The following NMNAT1 variants were observed in gnomAD, a reference collection of about 807,000 sequenced individuals.
NMNAT1 encodes the protein nicotinamide/nicotinic acid mononucleotide adenylyltransferase 1.
Under a neutral mutation model 16.7 loss-of-function variants are expected in NMNAT1, and 11 were observed. The ratio of observed to expected loss-of-function variants is 0.66; its 90% CI spans 0.41 to 1.09. NMNAT1 has a LOEUF of 1.09. NMNAT1 is among the 50% of genes least tolerant of loss of function. NMNAT1 has a pLI of 0.00. For missense variants in NMNAT1, 280 were observed against 332.3 expected, an observed-to-expected ratio of 0.84 and a Z score of 1.22; for synonymous variants, 110 against 119.8, an observed-to-expected ratio of 0.92 and a Z score of 0.53.
chr1:9,949,068 A>G (rs1641045299), intron 1 of NMNAT1, among the ~76,000 whole-genome samples: 1 of 151,452 alleles, frequency 6.6e-6, no homozygotes, highest in Non-Finnish European at 1.5e-5. Flanking sequence ...TCAGGTGTTC[A>G]AGAGCAGCCT....
chr1:9,948,097 A>G (rs1291460057), intron 1 of NMNAT1, among the ~76,000 whole-genome samples: 1 of 152,124 alleles, frequency 6.6e-6, no homozygotes, highest in Non-Finnish European at 1.5e-5. Context: ...TGGGATGTGG[A>G]AGGTGGTCCG....
intron 1 of NMNAT1, chr1:9,951,300 A>G (rs931274892): frequency 1.3e-5 from 2 of 152,164 alleles, no homozygotes; most frequent in African/African-American, 4.8e-5. Flanking sequence ...GTTGTTTCCT[A>G]CATTTGAGAG....
chr1:9,963,696 C>G (rs144113437), intron 1 of NMNAT1, among the ~76,000 whole-genome samples: 1 of 151,960 alleles, frequency 6.6e-6, no homozygotes. Flanking sequence ...CGTGAGCCAC[C>G]GCATCTGGCC....
intron 1 of NMNAT1, among the ~76,000 whole-genome samples, chr1:9,956,223 G>A (rs886165379): frequency 7.1e-6 from 1 of 141,474 alleles, no homozygotes; most frequent in Non-Finnish European, 1.5e-5. Context: ...AGGCTGGACT[G>A]CAGTGGTGCG....
the NMNAT1 span, among the ~76,000 whole-genome samples, chr1:9,993,928 G>A: frequency 6.6e-6 from 1 of 152,070 alleles, no homozygotes; most frequent in Admixed American, 6.6e-5. Flanking sequence ...GAACGTGCAG[G>A]CAGGTTACCT....
intron 1 of NMNAT1, among the ~76,000 whole-genome samples, chr1:9,966,920 G>T (rs1641558374): frequency 6.6e-6 from 1 of 152,002 alleles, no homozygotes; most frequent in South Asian, 2.1e-4. Context: ...AATCTTAAAA[G>T]AATAATTTCA....
intron 1 of NMNAT1, among the ~76,000 whole-genome samples, chr1:9,950,826 C>T (rs1472493901): frequency 1.3e-5 from 2 of 151,992 alleles, no homozygotes; most frequent in Non-Finnish European, 2.9e-5. Flanking sequence ...CAGTGGTTCA[C>T]AGCTATAATC....
At chr1:9,979,511 G>A (rs1013011431) in intron 3 of NMNAT1, among the ~76,000 whole-genome samples, 1 of 151,862 alleles carries the variant, frequency 6.6e-6, no homozygotes, top group African/African-American at 2.4e-5. Context: ...CAATCAAATT[G>A]TTATTGAGGC....
intron 1 of NMNAT1, among the ~76,000 whole-genome samples, chr1:9,964,674 C>T (rs1641500062): frequency 6.6e-6 from 1 of 151,984 alleles, no homozygotes; most frequent in Admixed American, 6.6e-5. Flanking sequence ...AGCGGCCAGG[C>T]ACGGTGGCTC....
Position 9,975,733 on chromosome 1 carries a change from A to C in NMNAT1, c.257A>C (p.Glu86Ala). Residue 86 changes from glutamate to alanine, a missense_variant, in exon 3 of 5, where the codon GAA becomes GCA. Physicochemically the swap from Glu to Ala is moderately radical, Grantham distance 107. Transcript: ENST00000377205. ...NSKWVEVDTW[E>A]SLQKEWKETL... ...AAATGGGTGGAAGTTGATACATGGG[A>C]AAGTCTTCAGAAGGAGTGGAAAGAG... is the stretch of plus-strand genomic sequence containing the variant. 6.2e-7 allele frequency: 1 copy of C among 1,614,092 alleles called. No individual in the cohort carries two copies. The highest frequency in any genetic ancestry group is 8.5e-7 in the Non-Finnish European group (1 of 1,179,994).
At chr1:9,988,624 AC>A (rs1264860325), downstream of NMNAT1, among the ~76,000 whole-genome samples, 3 of 146,998 alleles carry the variant, frequency 2.0e-5, no homozygotes, top group Non-Finnish European at 4.4e-5. Flanking sequence ...AATTGCTTGA[AC>A]CTGGGGAGGC....
chr1:9,996,309 C>CAAAAAA, the NMNAT1 span, among the ~76,000 whole-genome samples: 4 of 101,910 alleles, frequency 3.9e-5, no homozygotes, highest in Non-Finnish European at 6.1e-5. Flanking sequence ...GACTCCGTCT[C>CAAAAAA]AAAAAAAAAA....
rs370506027 is a variant in NMNAT1, at chr1:9,945,592, C to T, written c.-57+2077C>T. 3.5e-4 allele frequency among the ~76,000 whole-genome samples: 54 copies of T among 152,126 alleles called. 1 individual carries two copies. The highest frequency in any genetic ancestry group is 1.2e-3 in the African/African-American group (51 of 41,510). ...GCGTATGCCTGTAGTTCCAGCTACT[C>T]GGGAGGCTGAGGCAGGAGAATTGCT... On this transcript the variant is annotated intron_variant, in intron 1 of 4. Transcript: ENST00000377205.
chr1:9,982,233 C>G (rs1168396476), intron 4 of NMNAT1, 68 bp from the exon 5 acceptor site: 11 of 1,515,934 alleles, frequency 7.3e-6, no homozygotes, highest in African/African-American at 1.4e-5. Context: ...AAAGTAAACC[C>G]CTTTCCACTT....
At chr1:9,978,079 G>A (rs753427919) in intron 3 of NMNAT1, among the ~76,000 whole-genome samples, 6 of 151,950 alleles carry the variant, frequency 3.9e-5, no homozygotes, top group Admixed American at 2.6e-4. Flanking sequence ...GGATCAGGCC[G>A]GGCATGGTGG....
chr1:9,967,893 T>C (rs1376104547), intron 1 of NMNAT1, among the ~76,000 whole-genome samples: 1 of 151,934 alleles, frequency 6.6e-6, no homozygotes, highest in African/African-American at 2.4e-5. Context: ...GAAGGATCAC[T>C]TGAGCCTGGG....
chr1:9,944,970 A>C (rs1640937463), intron 1 of NMNAT1, among the ~76,000 whole-genome samples: 1 of 152,246 alleles, frequency 6.6e-6, no homozygotes, highest in African/African-American at 2.4e-5. Context: ...GCAGTGGCTC[A>C]TGCCTGTAAT....
Position 9,975,657 on chromosome 1 carries a change from A to T in NMNAT1, c.181A>T (p.Ile61Phe), listed in dbSNP as rs545930813. 6.2e-7 allele frequency: 1 copy of T among 1,613,982 alleles called. No individual in the cohort carries two copies. The highest frequency in any genetic ancestry group is 1.3e-5 in the African/African-American group (1 of 74,930). ...TGATGCCTACAAGAAGAAAGGACTC[A>T]TTCCTGCCTATCACCGGGTCATCAT... is the stretch of plus-strand genomic sequence containing the variant. Reference protein sequence around the residue: ...VGDAYKKKGLIPAYHRVIMAE... With the variant: ...VGDAYKKKGLFPAYHRVIMAE... The change falls in exon 3 of 5, where the codon ATT (isoleucine) becomes TTT (phenylalanine). Residue 61 changes from isoleucine to phenylalanine, a missense_variant. Physicochemically the swap from Ile to Phe is conservative, Grantham distance 21. Transcript: ENST00000377205.
chr1:9,988,255 A>C (rs1642070832), downstream of NMNAT1, among the ~76,000 whole-genome samples: 1 of 150,824 alleles, frequency 6.6e-6, no homozygotes, highest in Admixed American at 6.6e-5. Context: ...TTGGCCTCCC[A>C]AAGTGTGGGG....
Sources: allele counts gnomAD v4.1 joint callset (sites outside exome capture counted in the v4.1 genomes callset), GRCh38; gene constraint gnomAD v4.1.1; transcripts MANE v1.5; gene names NCBI Gene and HGNC (gene_info 2026-07-23, HGNC 2026-07-21).